The following CACNA2D4 variants were observed in gnomAD, a reference collection of about 807,000 sequenced individuals.
The protein encoded by CACNA2D4 is calcium voltage-gated channel auxiliary subunit alpha2delta 4.
CACNA2D4 carries 157 observed loss-of-function variants against 163.8 expected under a neutral mutation model. The ratio of observed to expected loss-of-function variants is 0.96; its 90% CI spans 0.84 to 1.09. The LOEUF (loss-of-function observed/expected upper bound fraction) is 1.09. Ranked by LOEUF, CACNA2D4 falls within the 50% of genes least tolerant of loss-of-function variation. CACNA2D4 has a pLI of 0.00. For synonymous variants in CACNA2D4, 598 were observed against 586.9 expected (o/e 1.02, Z -0.27); for missense variants, 1,410 against 1,479.9 (o/e 0.95, Z 0.78).
chr12:1,797,684 G>A, intron 34 of CACNA2D4, 149 bp from the exon 35 acceptor site: 2 of 696,860 alleles, frequency 2.9e-6, no homozygotes, highest in Non-Finnish European at 5.1e-6. Context: ...GGGAGGAGCC[G>A]GGCGGGGGGT....
chr12:1,797,052 C>T (rs1315157757), intron 35 of CACNA2D4, among the ~76,000 whole-genome samples: 1 of 152,224 alleles, frequency 6.6e-6, no homozygotes, highest in Non-Finnish European at 1.5e-5. Flanking sequence ...CCCTGGGCAC[C>T]GCCTGAGCAG....
At chr12:1,810,249 C>A in intron 29 of CACNA2D4, 29 bp downstream of exon 29, 1 of 1,582,752 alleles carries the variant, frequency 6.3e-7, no homozygotes, top group Non-Finnish European at 8.7e-7. Flanking sequence ...CCGCCCTCTC[C>A]CCCTCATTCT....
In CACNA2D4 at chr12:1,848,250, C is replaced by T. The variant is rs1865195506; in HGVS notation, c.2247-1561G>A. ...CTTTCTCTCTCCACTCTCCCTCTCC[C>T]CTTCTCTTTTCCTTGCAATCGATGT... On this transcript the variant is annotated intron_variant, in intron 23 of 37. Transcript: ENST00000382722. Among the ~76,000 whole-genome samples the T allele has an allele frequency of 2.0e-5, 3 of 152,236 alleles. No homozygotes were observed. The South Asian group carries it at 6.2e-4, about 31-fold the overall frequency.
chr12:1,806,796 C>G lies in CACNA2D4; in HGVS notation c.2721+3482G>C, dbSNP rs1863553211. Among the ~76,000 whole-genome samples, 1 of 152,128 alleles carries G rather than the reference C, an allele frequency of 6.6e-6. No individual in the cohort carries two copies. Among genetic ancestry groups the G allele is most frequent in the Non-Finnish European group, 1.5e-5 (1 of 68,032 alleles). ...GGGTGGGACCCTGGCAAATCTGCAT[C>G]TCTAACAAGCTCCCAGATGCTGGGG... On this transcript the variant is annotated intron_variant, in intron 29 of 37. Coordinates refer to ENST00000382722, the MANE Select transcript of CACNA2D4 (RefSeq NM_172364.5). This position sits in a 1 kb window ranked among gnomAD's most constrained non-coding sequence, Gnocchi z 4.1.
rs181807410 is a variant in CACNA2D4, at chr12:1,810,390, G to A, written c.2659-50C>T. ...TTATGCCAGGGCCCTCACCCACCCC[G>A]GTCCTCCAGCCTGTCCCCCAGCTCT... On this transcript the variant is annotated intron_variant, in intron 28 of 37. Coordinates refer to ENST00000382722, the MANE Select transcript of CACNA2D4 (RefSeq NM_172364.5). The A allele has an allele frequency of 6.5e-3, 10,238 of 1,571,514 alleles. 47 individuals carry two copies. Among genetic ancestry groups the A allele is most frequent in the Middle Eastern group, 0.014 (82 of 5,970 alleles).
In CACNA2D4 at chr12:1,828,970, C is replaced by T. The variant is rs146300326; in HGVS notation, c.2551+11769G>A. Reference sequence around the variant, plus strand: ...GCAGGGAGGAAACGGTCCCGCGGGACGGCATTCCGCCTGACTTCCCGCTCT... The same window carrying T: ...GCAGGGAGGAAACGGTCCCGCGGGATGGCATTCCGCCTGACTTCCCGCTCT... On this transcript the variant is annotated intron_variant, in intron 26 of 37. Transcript: ENST00000382722. The surrounding 1 kb of genome is among the most constrained non-coding windows in gnomAD (Gnocchi z 4.2). Among the ~76,000 whole-genome samples the T allele has an allele frequency of 4.6e-5, 7 of 152,338 alleles. No homozygotes were observed. Among genetic ancestry groups the T allele is most frequent in the South Asian group, 2.1e-4 (1 of 4,816 alleles).
In CACNA2D4 at chr12:1,828,210, TCTC is replaced by T; in HGVS notation, c.2551+12526_2551+12528del. ...AGGCTCGCCCTGCAGTGGAGGCAAG[TCTC>T]CTGTGAGTACACCCCTGGCCTCGGA... On this transcript the variant is annotated intron_variant, in intron 26 of 37. Transcript: ENST00000382722. The surrounding 1 kb of genome is among the most constrained non-coding windows in gnomAD (Gnocchi z 4.2). 1.9e-6 allele frequency: 3 copies of T among 1,545,540 alleles called. No homozygotes were observed. The highest frequency in any genetic ancestry group is 2.6e-6 in the Non-Finnish European group (3 of 1,144,736).
intron 29 of CACNA2D4, among the ~76,000 whole-genome samples, chr12:1,809,872 G>T (rs1863649444): frequency 6.6e-6 from 1 of 151,992 alleles, no homozygotes; most frequent in Admixed American, 6.5e-5. Flanking sequence ...GCCCCACAAT[G>T]GTAGAAAGGC....
chr12:1,908,510 C>G (rs1866724850), intron 4 of CACNA2D4, among the ~76,000 whole-genome samples: 1 of 152,142 alleles, frequency 6.6e-6, no homozygotes, highest in African/African-American at 2.4e-5. Flanking sequence ...CTCGGCCTCT[C>G]CCACGCGGTG....
intron 26 of CACNA2D4, among the ~76,000 whole-genome samples, chr12:1,837,314 G>A (rs576010699): frequency 6.6e-6 from 1 of 152,316 alleles, no homozygotes; most frequent in Admixed American, 6.5e-5. Flanking sequence ...TGGCCAGGAG[G>A]AGGAGCCTGT....
intron 23 of CACNA2D4, among the ~76,000 whole-genome samples, 182 bp downstream of exon 23, chr12:1,853,769 G>A (rs150492793): frequency 7.2e-5 from 11 of 152,304 alleles, no homozygotes; most frequent in African/African-American, 1.9e-4. Context: ...AGGAGCTGTC[G>A]GAATGGGACT....
At chr12:1,904,614 T>C (rs780898475) in intron 6 of CACNA2D4, among the ~76,000 whole-genome samples, 4 of 152,046 alleles carry the variant, frequency 2.6e-5, no homozygotes, top group Non-Finnish European at 4.4e-5. Flanking sequence ...AGTGGGTAGA[T>C]AAGGAGCTGT....
In CACNA2D4 at chr12:1,853,966, G is replaced by T. The variant is rs747069756; in HGVS notation, c.2231C>A (p.Ala744Asp). Residue 744 changes from alanine (A) to aspartate (D), a missense_variant, in exon 23 of 38, where the codon GCC becomes GAC. Transcript: ENST00000382722. ...CTGGACCTACTCGGACATGTTGAGG[G>T]CCAGCGCTGTCCAGTAGGCTTCCAT... ...APMEAYWTALALNMSEESEHV... is the reference protein window; with the variant it reads ...APMEAYWTALDLNMSEESEHV... 6.2e-7 allele frequency: 1 copy of T among 1,613,166 alleles called. No individual in the cohort carries two copies. Among genetic ancestry groups the T allele is most frequent in the Non-Finnish European group, 8.5e-7 (1 of 1,179,398 alleles).
intron 24 of CACNA2D4, among the ~76,000 whole-genome samples, chr12:1,846,189 T>C (rs760564792): frequency 2.6e-4 from 39 of 152,166 alleles, no homozygotes; most frequent in Non-Finnish European, 4.7e-4. Flanking sequence ...ATTCAGCCTG[T>C]CACACAGAGA....
At chr12:1,849,101 T>C (rs1260621877) in intron 23 of CACNA2D4, among the ~76,000 whole-genome samples, 1 of 152,194 alleles carries the variant, frequency 6.6e-6, no homozygotes, top group African/African-American at 2.4e-5. Context: ...ACATTTCTTC[T>C]AGGATCATGG....
Position 1,884,409 on chromosome 12 carries a change from C to A in CACNA2D4, c.1273-88G>T, listed in dbSNP as rs572310572. ...TGTTTATATGAGTCTTAGATGTTGG[C>A]CCCAGTGCCTCTCAGTCTTCGGGTT... On this transcript the variant is annotated intron_variant, in intron 11 of 37. Transcript: ENST00000382722. 50 of 1,055,790 alleles carry A rather than the reference C, an allele frequency of 4.7e-5. No individual in the cohort carries two copies. In the East Asian group the frequency reaches 9.3e-4, roughly 20 times the overall value. The allele number at this position is 1,055,790 out of a possible 1,614,324, so 65.4% of individuals were successfully genotyped here.
At chr12:1,811,022 G>T (rs1193177809) in intron 27 of CACNA2D4, among the ~76,000 whole-genome samples, 1 of 152,224 alleles carries the variant, frequency 6.6e-6, no homozygotes, top group Non-Finnish European at 1.5e-5. Context: ...TGGGGCTCCT[G>T]CACTGGCTGT....
At chr12:1,912,840 T>A (rs1175809780) in intron 3 of CACNA2D4, among the ~76,000 whole-genome samples, 183 bp downstream of exon 3, 2 of 152,112 alleles carry the variant, frequency 1.3e-5, no homozygotes, top group Non-Finnish European at 2.9e-5. Context: ...TGTCATTTCC[T>A]CTTTCACAGG....
chr12:1,813,117 T>TCACG (rs1863763371), intron 26 of CACNA2D4, among the ~76,000 whole-genome samples: 1 of 152,068 alleles, frequency 6.6e-6, no homozygotes, highest in South Asian at 2.1e-4. Context: ...GCAAGATGAG[T>TCACG]CACGGTTCTA....
Sources: gnomAD v4.1 joint callset for allele counts (sites outside exome capture counted in the v4.1 genomes callset) on GRCh38, gnomAD v4.1.1 for gene constraint, Gnocchi (gnomAD v3.1) non-coding constraint, MANE v1.5 for transcripts, NCBI Gene and HGNC (gene_info 2026-07-23, HGNC 2026-07-21) for gene names.